Variants in KLHL6 observed in about 807,000 individuals in gnomAD.
The protein encoded by KLHL6 is kelch like family member 6, also known as kelch-like protein 6.
Under a neutral mutation model 58.6 loss-of-function variants are expected in KLHL6, and 41 were observed. The ratio of observed to expected loss-of-function variants is 0.70; its 90% confidence interval spans 0.55 to 0.91. The LOEUF (loss-of-function observed/expected upper bound fraction) is 0.91, where lower values mean the gene tolerates loss of function less well. Among genes scored for constraint, KLHL6 ranks in the 40% least tolerant of loss-of-function variants. KLHL6 has a pLI of 0.00. For missense variants in KLHL6, 714 were observed against 805.6 expected (o/e 0.89, Z 1.38); for synonymous variants, 338 against 322.7 (o/e 1.05, Z -0.51).
At chr3:183,552,932 G>A (rs1162977308) in intron 1 of KLHL6, among the ~76,000 whole-genome samples, 5 of 152,052 alleles carry the variant, frequency 3.3e-5, no homozygotes, top group African/African-American at 1.2e-4. Flanking sequence ...GGTAGGCTGG[G>A]GATAGGACTC....
At chr3:183,551,076 C>G (rs55829869) in intron 1 of KLHL6, among the ~76,000 whole-genome samples, 15,280 of 145,480 alleles carry the variant, frequency 0.11, 1,189 homozygotes, top group African/African-American at 0.23. Flanking sequence ...AGCGGAGATA[C>G]TGCCACTGCA....
intron 2 of KLHL6, among the ~76,000 whole-genome samples, chr3:183,516,956 C>A (rs1711588901): frequency 6.6e-6 from 1 of 152,204 alleles, no homozygotes; most frequent in African/African-American, 2.4e-5. Flanking sequence ...GTCACCCAGG[C>A]TGGAGTGCAT....
chr3:183,516,447 C>T lies in KLHL6; in HGVS notation c.460-7939G>A, dbSNP rs142908178. On this transcript the variant is annotated intron_variant, in intron 2 of 6. Transcript: ENST00000341319. ...GATAATGGCAAAAGACAGCCAGCTT[C>T]CTGTTTGGGGGGACATGTGAGCAAA... Among the ~76,000 whole-genome samples the T allele has an allele frequency of 3.4e-3, 515 of 152,362 alleles. 1 individual carries two copies. Among genetic ancestry groups the T allele is most frequent in the African/African-American group, 0.012 (480 of 41,586 alleles).
intron 2 of KLHL6, among the ~76,000 whole-genome samples, chr3:183,509,456 G>A (rs1718117030): frequency 1.3e-5 from 2 of 152,208 alleles, no homozygotes; most frequent in Non-Finnish European, 2.9e-5. Context: ...AAGATGAAAG[G>A]ATGTAGGTCA....
At chr3:183,535,108 C>T (rs1010535005) in intron 1 of KLHL6, among the ~76,000 whole-genome samples, 6 of 151,950 alleles carry the variant, frequency 3.9e-5, no homozygotes, top group Admixed American at 2.0e-4. Flanking sequence ...CCACGCCTGG[C>T]TAATTTTTGT....
chr3:183,548,281 C>T (rs1712793676), intron 1 of KLHL6, among the ~76,000 whole-genome samples: 1 of 152,150 alleles, frequency 6.6e-6, no homozygotes, highest in Admixed American at 6.5e-5. Flanking sequence ...TGACAGTGAC[C>T]TGTGAGGGCA....
rs914729844 is a variant in KLHL6 at position 183,491,538 on chromosome 3, A to C, written c.*389T>G. The C allele has an allele frequency of 4.5e-5, 8 of 177,768 alleles. No homozygotes were observed. The Admixed American group carries it at 5.0e-4, about 11-fold the overall frequency. 11.0% of individuals were successfully genotyped at this position (177,768 alleles called of 1,614,324 possible). A position where few individuals can be genotyped will look rare whatever the true frequency, so the allele number is the denominator to read the frequency against. ...TAGACTCCTGGGGTAGCTACTTGCT[A>C]TCTGAGTGATCAGGGGCACGCCACT... On this transcript the variant is annotated 3_prime_UTR_variant, in exon 7 of 7. Coordinates refer to ENST00000341319, the MANE Select transcript of KLHL6 (RefSeq NM_130446.4).
chr3:183,498,555 A>G lies in KLHL6; in HGVS notation c.1147+1035T>C, dbSNP rs1717778311. Among the ~76,000 whole-genome samples, 2 of 152,196 alleles carry G rather than the reference A, an allele frequency of 1.3e-5. 1 individual carries two copies. Among genetic ancestry groups the G allele is most frequent in the South Asian group, 4.1e-4 (2 of 4,826 alleles). ...TGTGCGACCTTAGGTATGTCTGAGT[A>G]TCTCTCTGAGCCTCTGTTTTCTCCT... is the stretch of plus-strand genomic sequence containing the variant. On this transcript the variant is annotated intron_variant, in intron 4 of 6. Transcript: ENST00000341319.
intron 1 of KLHL6, among the ~76,000 whole-genome samples, chr3:183,531,102 G>A (rs1712141651): frequency 6.6e-6 from 1 of 152,054 alleles, no homozygotes; most frequent in Non-Finnish European, 1.5e-5. Context: ...CCAAAGTACT[G>A]GGATTACAGG....
intron 3 of KLHL6, among the ~76,000 whole-genome samples, chr3:183,507,049 G>A (rs1279633939): frequency 6.6e-6 from 1 of 152,044 alleles, no homozygotes; most frequent in African/African-American, 2.4e-5. Context: ...GAGCAGAAGT[G>A]GGAGGTTGGA....
chr3:183,492,099 C>T lies in KLHL6; in HGVS notation c.1694G>A (p.Gly565Glu). ...GATAACCTCGTTCTTCTCGTCCCGCCCGCCGGTGATGTAGAGCCGGTTGTT... is the reference window on the plus strand; with the variant it reads ...GATAACCTCGTTCTTCTCGTCCCGCTCGCCGGTGATGTAGAGCCGGTTGTT... ...PCNNRLYITG[G>E]RDEKNEVIAT... The change falls in exon 7 of 7, where the codon GGG becomes GAG. Residue 565 changes from glycine (G) to glutamate (E), a missense_variant. By Grantham distance (98) the Gly-to-Glu change is moderately conservative (BLOSUM62 -2). This residue lies in a region of KLHL6 where 510 missense variants were observed against 629.7 expected (regional missense o/e 0.81). Transcript: ENST00000341319. This position sits in a 1 kb window ranked among gnomAD's most constrained non-coding sequence, Gnocchi z 5.9. The T allele has an allele frequency of 6.2e-7, 1 of 1,613,902 alleles. No homozygotes were observed. The highest frequency in any genetic ancestry group is 8.5e-7 in the Non-Finnish European group (1 of 1,180,014).
chr3:183,528,108 G>C, intron 1 of KLHL6, 98 bp from the exon 2 acceptor site: 1 of 1,396,978 alleles, frequency 7.2e-7, no homozygotes, highest in Non-Finnish European at 9.9e-7. Flanking sequence ...ACAGAACAGG[G>C]GGTTTCCCAA....
At position 183,533,154 on chromosome 3, in the gene KLHL6, C is replaced by T. The variant is rs565590745; in HGVS notation, c.294-5144G>A. 1.1e-3 allele frequency among the ~76,000 whole-genome samples: 172 copies of T among 152,230 alleles called. 4 individuals are homozygous for T. The highest frequency in any genetic ancestry group is 4.1e-4 in the South Asian group (2 of 4,824). ...CTCTGGTGATGTAATTCCAAACGCT[C>T]GGACTTCCATCTCAACACGGAGGGG... On this transcript the variant is annotated intron_variant, in intron 1 of 6. Coordinates refer to ENST00000341319, the MANE Select transcript of KLHL6 (RefSeq NM_130446.4).
At chr3:183,554,854 G>A (rs1713051709) in intron 1 of KLHL6, among the ~76,000 whole-genome samples, 1 of 152,058 alleles carries the variant, frequency 6.6e-6, no homozygotes. Flanking sequence ...TTTTAATGTG[G>A]CCTAAATCCT....
At chr3:183,546,392 C>A (rs1304411592) in intron 1 of KLHL6, among the ~76,000 whole-genome samples, 1 of 152,194 alleles carries the variant, frequency 6.6e-6, no homozygotes, top group Non-Finnish European at 1.5e-5. Flanking sequence ...TGGGTGGAGG[C>A]AGGACAAGCA....
chr3:183,496,776 TG>T (rs1397635670), intron 4 of KLHL6, among the ~76,000 whole-genome samples: 3 of 152,392 alleles, frequency 2.0e-5, no homozygotes, highest in Admixed American at 6.5e-5. Context: ...GATTTAGCCG[TG>T]TATAACAAGC....
intron 1 of KLHL6, among the ~76,000 whole-genome samples, chr3:183,549,470 T>G (rs970338533): frequency 1.3e-5 from 2 of 152,248 alleles, no homozygotes; most frequent in Non-Finnish European, 2.9e-5. Flanking sequence ...AAATGTAAAG[T>G]TTTTTGTAAC....
At chr3:183,494,358 C>A in intron 4 of KLHL6, 77 bp from the exon 5 acceptor site, 2 of 1,272,238 alleles carry the variant, frequency 1.6e-6, no homozygotes, top group Non-Finnish European at 2.3e-6. Flanking sequence ...TCCCACATGT[C>A]CAAAAGTGCC....
rs567228834 is a variant in KLHL6, at chr3:183,505,391, T to C, written c.909+2668A>G. Among the ~76,000 whole-genome samples, 6 of 152,352 alleles carry C rather than the reference T, an allele frequency of 3.9e-5. No individual in the cohort carries two copies. The South Asian group carries it at 1.2e-3, about 32-fold the overall frequency. ...TTAAATACATGGGATGCTGTTTAAG[T>C]AGTTTTTAGGGGGAAATTTATAGCA... On this transcript the variant is annotated intron_variant, in intron 3 of 6. Transcript: ENST00000341319.
Sources: allele counts gnomAD v4.1 joint callset (sites outside exome capture counted in the v4.1 genomes callset), GRCh38; gene constraint gnomAD v4.1.1; regional missense constraint gnomAD v4.1.1; non-coding constraint Gnocchi (gnomAD v3.1); transcripts MANE v1.5; gene names NCBI Gene and HGNC (gene_info 2026-07-23, HGNC 2026-07-21).